Variants in RBFOX1 observed in about 807,000 individuals in gnomAD.
RBFOX1 encodes RNA binding protein fox-1 homolog 1.
A neutral mutation model predicts 57.7 loss-of-function variants in RBFOX1; 8 were observed. That is an observed-to-expected ratio of 0.14 (90% CI 0.08 to 0.25). The LOEUF (loss-of-function observed/expected upper bound fraction) is 0.25, where lower values mean the gene tolerates loss of function less well. RBFOX1 is among the 10% of genes least tolerant of loss of function. The probability of loss-of-function intolerance (pLI) is 1.00; values close to 1 mark genes in which losing one functional copy is unlikely to be tolerated. For synonymous variants in RBFOX1, 326 were observed against 222.4 expected, an observed-to-expected ratio of 1.47 and a Z score of -4.15; for missense variants, 611 against 548.5, an observed-to-expected ratio of 1.11 and a Z score of -1.14.
At position 5,323,258 on chromosome 16, in the gene RBFOX1, C is replaced by G. The variant is rs369657388; in HGVS notation, c.219+83153C>G. 7.9e-4 allele frequency among the ~76,000 whole-genome samples: 120 copies of G among 152,350 alleles called. 1 individual carries two copies. The highest frequency in any genetic ancestry group is 2.8e-3 in the African/African-American group (115 of 41,568). Reference sequence around the variant, plus strand: ...ATGGGTGGAATGTGTGGCTTTCTCACAGTGCTTACCTTTACTATGGGCGAT... The same window carrying G: ...ATGGGTGGAATGTGTGGCTTTCTCAGAGTGCTTACCTTTACTATGGGCGAT... On this transcript the variant is annotated intron_variant, in intron 1 of 2. Transcript: ENST00000585867.
At chr16:7,234,269 A>G (rs993031064) in intron 4 of RBFOX1, among the ~76,000 whole-genome samples, 1 of 152,072 alleles carries the variant, frequency 6.6e-6, no homozygotes, top group Non-Finnish European at 1.5e-5. Context: ...CCCCACTGGA[A>G]GAGCAAAAGA....
intron 3 of RBFOX1, among the ~76,000 whole-genome samples, chr16:6,763,193 G>T (rs1325191212): frequency 1.3e-5 from 2 of 152,186 alleles, no homozygotes; most frequent in Non-Finnish European, 2.9e-5. Context: ...TCAGCTCAAT[G>T]TTTATCAAGT....
At chr16:7,333,864 G>A (rs1326788748) in intron 4 of RBFOX1, among the ~76,000 whole-genome samples, 1 of 152,028 alleles carries the variant, frequency 6.6e-6, no homozygotes, top group Non-Finnish European at 1.5e-5. Flanking sequence ...ACATCTACTA[G>A]CGATAGAACC....
intron 2 of RBFOX1, among the ~76,000 whole-genome samples, chr16:6,591,417 G>T (rs2097708727): frequency 6.6e-6 from 1 of 152,132 alleles, no homozygotes; most frequent in South Asian, 2.1e-4. Context: ...TTGTACTACT[G>T]CACTCCAGTC....
rs189693866 is a variant in RBFOX1 at position 5,766,873 on chromosome 16, A to G, written c.319-100430A>G. Among the ~76,000 whole-genome samples, 1,076 of 152,314 alleles carry G rather than the reference A, an allele frequency of 7.1e-3. 14 individuals are homozygous for G. The highest frequency in any genetic ancestry group is 0.024 in the African/African-American group (1,015 of 41,576). On this transcript the variant is annotated intron_variant, in intron 3 of 19. Coordinates refer to the RBFOX1 transcript ENST00000641259. ...TATTTCCCTTAGCCTTTCACTGAGG[A>G]GTCACTGTTTGCAAAGTCCTCTCAT... is the stretch of plus-strand genomic sequence containing the variant.
At chr16:7,392,558 A>G (rs2098052084) in intron 4 of RBFOX1, among the ~76,000 whole-genome samples, 1 of 152,104 alleles carries the variant, frequency 6.6e-6, no homozygotes, top group African/African-American at 2.4e-5. Flanking sequence ...GCATGTTCAT[A>G]TTTATTTACC....
intron 2 of RBFOX1, among the ~76,000 whole-genome samples, chr16:6,420,605 G>C (rs898474141): frequency 6.6e-6 from 1 of 152,202 alleles, no homozygotes; most frequent in Non-Finnish European, 1.5e-5. Flanking sequence ...CCCTATTACA[G>C]ATAATGCTGC....
chr16:6,665,883 C>A (rs1383634300), intron 3 of RBFOX1, among the ~76,000 whole-genome samples: 1 of 151,886 alleles, frequency 6.6e-6, no homozygotes, highest in African/African-American at 2.4e-5. Context: ...TATGGTTTGA[C>A]CACGTCCCCA....
chr16:7,493,267 G>T (rs905505325), intron 4 of RBFOX1, among the ~76,000 whole-genome samples: 2 of 152,172 alleles, frequency 1.3e-5, no homozygotes, highest in African/African-American at 4.8e-5. Flanking sequence ...CCTTTCAGGC[G>T]CTCAACAGCC....
At chr16:5,735,266 C>G (rs2052530581) in intron 3 of RBFOX1, among the ~76,000 whole-genome samples, 1 of 152,198 alleles carries the variant, frequency 6.6e-6, no homozygotes, top group African/African-American at 2.4e-5. Context: ...CGTCTTCAAG[C>G]CACTCTGCAT....
intron 4 of RBFOX1, among the ~76,000 whole-genome samples, chr16:7,253,495 T>C (rs1442379172): frequency 2.6e-5 from 4 of 152,168 alleles, no homozygotes; most frequent in Non-Finnish European, 2.9e-5. Flanking sequence ...CTATACATCA[T>C]TGACCTTGTC....
In RBFOX1 at chr16:7,228,593, AG is replaced by A. The variant is rs1339738305; in HGVS notation, c.27+176498del. Reference sequence around the variant, plus strand: ...ATTTGTCCATGGCCACACAGCCGTAAGGGAGTAGAGACCTGATTCAAATCTT... The same window carrying A: ...ATTTGTCCATGGCCACACAGCCGTAAGGAGTAGAGACCTGATTCAAATCTT... On this transcript the variant is annotated intron_variant, in intron 4 of 15. Coordinates refer to ENST00000550418, the MANE Select transcript of RBFOX1 (RefSeq NM_018723.4). Among the ~76,000 whole-genome samples, 13 of 152,358 alleles carry A rather than the reference AG, an allele frequency of 8.5e-5. No individual in the cohort carries two copies. In the East Asian group the frequency reaches 2.1e-3, roughly 25 times the overall value.
chr16:7,346,275 G>T (rs1175509227), intron 4 of RBFOX1, among the ~76,000 whole-genome samples: 1 of 151,892 alleles, frequency 6.6e-6, no homozygotes, highest in Non-Finnish European at 1.5e-5. Flanking sequence ...GGCCACATGG[G>T]ACACACACAC....
chr16:6,063,385 G>C (rs1043285262), intron 1 of RBFOX1, among the ~76,000 whole-genome samples: 3 of 151,746 alleles, frequency 2.0e-5, no homozygotes, highest in Admixed American at 1.3e-4. Context: ...TTCCAGTGTG[G>C]AGCATATCAG....
At chr16:7,653,793 T>TCC in intron 11 of RBFOX1, 22 bp from the exon 12 acceptor site, 1 of 1,607,490 alleles carries the variant, frequency 6.2e-7, no homozygotes, top group Non-Finnish European at 8.5e-7. Flanking sequence ...GCTCTCTCTC[T>TCC]CTCTCTCCTC....
chr16:6,998,932 G>C lies in RBFOX1; in HGVS notation c.-15-53125G>C, dbSNP rs915500596. Among the ~76,000 whole-genome samples, 3 of 151,592 alleles carry C rather than the reference G, an allele frequency of 2.0e-5. No homozygotes were observed. In the South Asian group the frequency reaches 6.2e-4, roughly 32 times the overall value. ...CACCCAGGCTGGAGTGCAGTGGCAC[G>C]ATCTAGGCTCACTGTAACCTCCGCC... On this transcript the variant is annotated intron_variant, in intron 3 of 15. Transcript: ENST00000550418.
chr16:6,061,253 G>A (rs1021198045), intron 1 of RBFOX1, among the ~76,000 whole-genome samples: 1 of 152,108 alleles, frequency 6.6e-6, no homozygotes, highest in African/African-American at 2.4e-5. Context: ...AGTAGTGTGC[G>A]AAGTTACCAA....
At chr16:6,673,665 G>T (rs2098782204) in intron 3 of RBFOX1, among the ~76,000 whole-genome samples, 1 of 152,184 alleles carries the variant, frequency 6.6e-6, no homozygotes, top group African/African-American at 2.4e-5. Context: ...ACTTGCCGGG[G>T]TGGAGGACCA....
chr16:7,375,154 T>C (rs61548208), intron 4 of RBFOX1, among the ~76,000 whole-genome samples: 1 of 152,356 alleles, frequency 6.6e-6, no homozygotes, highest in Non-Finnish European at 1.5e-5. Context: ...GTAACGTTGG[T>C]AGATTAATAT....
Sources: allele counts gnomAD v4.1 joint callset (sites outside exome capture counted in the v4.1 genomes callset), GRCh38; gene constraint gnomAD v4.1.1; transcripts MANE v1.5; gene names NCBI Gene and HGNC (gene_info 2026-07-23, HGNC 2026-07-21).